PDLIM5: variants seen among roughly 807,000 people sequenced by gnomAD.
The protein encoded by PDLIM5 is PDZ and LIM domain protein 5.
In PDLIM5, 34 loss-of-function variants were observed where a neutral mutation model predicts 64.2. The ratio of observed to expected loss-of-function variants is 0.53; its 90% CI spans 0.40 to 0.71. The LOEUF is 0.71. PDLIM5 is among the 30% of genes least tolerant of loss of function. The pLI is 0.00. For synonymous variants in PDLIM5, 253 were observed against 269.1 expected (o/e 0.94, Z 0.59); for missense variants, 683 against 733.6 (o/e 0.93, Z 0.80).
intron 2 of PDLIM5, among the ~76,000 whole-genome samples, chr4:94,483,756 C>CT (rs1726075564): frequency 6.6e-6 from 1 of 152,090 alleles, no homozygotes; most frequent in African/African-American, 2.4e-5. Context: ...CATTTGCTTA[C>CT]TACTTTCATG....
chr4:94,661,895 A>C (rs1742752157), intron 11 of PDLIM5, among the ~76,000 whole-genome samples: 1 of 150,824 alleles, frequency 6.6e-6, no homozygotes, highest in African/African-American at 2.4e-5. Context: ...ATCTCAGCTC[A>C]CTGAAACCTC....
At chr4:94,589,395 G>T (rs183093164) in intron 7 of PDLIM5, among the ~76,000 whole-genome samples, 6 of 152,292 alleles carry the variant, frequency 3.9e-5, no homozygotes, top group Admixed American at 3.9e-4. Flanking sequence ...TTCATTAAAA[G>T]CATAGACTTA....
chr4:94,625,147 T>C (rs906709252), intron 8 of PDLIM5, among the ~76,000 whole-genome samples: 4 of 152,228 alleles, frequency 2.6e-5, no homozygotes, highest in Non-Finnish European at 5.9e-5. Flanking sequence ...TTGCCCTCTC[T>C]GGGAACTTGA....
intron 2 of PDLIM5, among the ~76,000 whole-genome samples, chr4:94,504,572 G>A (rs542881990): frequency 9.3e-4 from 142 of 152,094 alleles, no homozygotes; most frequent in African/African-American, 3.2e-3. Flanking sequence ...GGTGTGAGCC[G>A]CCGTGCCTGG....
chr4:94,508,543 T>G (rs1319281065), intron 2 of PDLIM5, among the ~76,000 whole-genome samples: 1 of 152,128 alleles, frequency 6.6e-6, no homozygotes, highest in East Asian at 1.9e-4. Context: ...GGCTGAAGAC[T>G]TTCTCATCTT....
intron 3 of PDLIM5, among the ~76,000 whole-genome samples, chr4:94,550,484 GCAAA>G (rs1732715046): frequency 6.6e-6 from 1 of 152,194 alleles, no homozygotes; most frequent in East Asian, 1.9e-4. Flanking sequence ...AAAGATGCAA[GCAAA>G]CAGTGTGGCT....
At chr4:94,592,788 G>A (rs1306315970) in intron 7 of PDLIM5, among the ~76,000 whole-genome samples, 2 of 152,080 alleles carry the variant, frequency 1.3e-5, no homozygotes, top group Admixed American at 6.5e-5. Context: ...CACCACACCT[G>A]GCTAATTTTT....
chr4:94,605,482 T>C (rs1202390484), intron 7 of PDLIM5, among the ~76,000 whole-genome samples: 1 of 152,188 alleles, frequency 6.6e-6, no homozygotes, highest in South Asian at 2.1e-4. Context: ...TGAAAACTCA[T>C]TTAAGCAAGA....
chr4:94,518,498 C>G (rs1729555943), intron 2 of PDLIM5, among the ~76,000 whole-genome samples: 1 of 152,086 alleles, frequency 6.6e-6, no homozygotes. Flanking sequence ...TGATTAGGAA[C>G]AAATGCTGGA....
intron 2 of PDLIM5, among the ~76,000 whole-genome samples, chr4:94,469,960 A>ATTTTTTTTTTTTTTTTTTTTT (rs34572366): frequency 1.4e-5 from 1 of 71,556 alleles, no homozygotes; most frequent in African/African-American, 6.1e-5. Flanking sequence ...CATTCTTTTA[A>ATTTTTTTTTTTTTTTTTTTTT]TTTTTTTTTT....
intron 8 of PDLIM5, among the ~76,000 whole-genome samples, chr4:94,620,854 G>A (rs1328551363): frequency 6.6e-6 from 1 of 151,708 alleles, no homozygotes; most frequent in Non-Finnish European, 1.5e-5. Context: ...TCAGGAGATC[G>A]AGACCATCCT....
intron 2 of PDLIM5, among the ~76,000 whole-genome samples, chr4:94,479,591 A>G (rs568947805): frequency 4.0e-5 from 6 of 151,826 alleles, no homozygotes; most frequent in African/African-American, 1.5e-4. Context: ...TTGGCCTCCC[A>G]AAGTGCTGAG....
At chr4:94,594,300 T>C (rs1354788853) in intron 7 of PDLIM5, among the ~76,000 whole-genome samples, 2 of 152,160 alleles carry the variant, frequency 1.3e-5, no homozygotes, top group African/African-American at 4.8e-5. Flanking sequence ...GTGTTTTTGG[T>C]GTGTTTCAAC....
intron 3 of PDLIM5, among the ~76,000 whole-genome samples, chr4:94,545,436 G>A (rs192498671): frequency 1.7e-4 from 26 of 152,010 alleles, no homozygotes; most frequent in Admixed American, 1.4e-3. Context: ...ATGTTTTTCC[G>A]GGGGAAAAAA....
chr4:94,527,043 A>ATCCTTTTTTTT, intron 3 of PDLIM5, among the ~76,000 whole-genome samples: 1 of 94,304 alleles, frequency 1.1e-5, no homozygotes, highest in African/African-American at 3.9e-5. Context: ...CCTGAACAGC[A>ATCCTTTTTTTT]TTCTTTTTTT....
At chr4:94,499,899 T>C (rs1200702312) in intron 2 of PDLIM5, among the ~76,000 whole-genome samples, 2 of 152,150 alleles carry the variant, frequency 1.3e-5, no homozygotes, top group African/African-American at 4.8e-5. Flanking sequence ...TGCCTGATGA[T>C]CTGAGGTAGA....
At chr4:94,610,323 C>A in intron 7 of PDLIM5, 1 of 1,471,442 alleles carries the variant, frequency 6.8e-7, no homozygotes, top group Non-Finnish European at 9.0e-7. Flanking sequence ...ACACGTACAG[C>A]GTCTGTCTGA....
chr4:94,575,622 C>T lies in PDLIM5; in HGVS notation c.298C>T (p.Pro100Ser), dbSNP rs1735175996. Residue 100 changes from proline to serine, a missense_variant, in exon 5 of 13, where the codon CCT (proline) becomes TCT (serine). Physicochemically the swap from Pro to Ser is moderately conservative, Grantham distance 74. Coordinates refer to ENST00000317968, the MANE Select transcript of PDLIM5 (RefSeq NM_006457.5). ...PEPVPVQKGE[P>S]KEVVKPVPIT... Reference sequence around the variant, plus strand: ...TTATTTTTGTTTTACATAGGGAGAACCTAAAGAAGTAGTTAAACCTGTGCC... The same window carrying T: ...TTATTTTTGTTTTACATAGGGAGAATCTAAAGAAGTAGTTAAACCTGTGCC... The T allele has an allele frequency of 1.3e-6, 2 of 1,557,558 alleles. No homozygotes were observed. The highest frequency in any genetic ancestry group is 1.7e-6 in the Non-Finnish European group (2 of 1,147,306).
chr4:94,569,967 C>G (rs369430321), intron 3 of PDLIM5, among the ~76,000 whole-genome samples: 1 of 152,124 alleles, frequency 6.6e-6, no homozygotes, highest in Non-Finnish European at 1.5e-5. Flanking sequence ...CATTGGTTCT[C>G]TGGCTTGACT....
Sources: gnomAD v4.1 joint callset for allele counts (sites outside exome capture counted in the v4.1 genomes callset) on GRCh38, gnomAD v4.1.1 for gene constraint, MANE v1.5 for transcripts, NCBI Gene and HGNC (gene_info 2026-07-23, HGNC 2026-07-21) for gene names.